STAP1: variants seen among roughly 807,000 people sequenced by gnomAD.
STAP1 encodes the protein signal-transducing adaptor protein 1.
In STAP1, 30 loss-of-function variants were observed where a neutral mutation model predicts 37.8. That is an observed-to-expected ratio of 0.79 (90% CI 0.59 to 1.08). STAP1 has a LOEUF of 1.08. STAP1 is among the 50% of genes least tolerant of loss of function. The pLI, the probability that STAP1 is intolerant of heterozygous loss-of-function variation, is 0.00. For missense variants in STAP1, 357 were observed against 349.4 expected, an observed-to-expected ratio of 1.02 and a Z score of -0.17; for synonymous variants, 130 against 116.0, an observed-to-expected ratio of 1.12 and a Z score of -0.78.
At chr4:67,559,074 A>G (rs2109849842) in intron 1 of STAP1, 145 bp downstream of exon 1, 1 of 760,230 alleles carries the variant, frequency 1.3e-6, no homozygotes, top group African/African-American at 1.8e-5. Flanking sequence ...AATGATTCCA[A>G]TTTTTCATAA....
intron 7 of STAP1, among the ~76,000 whole-genome samples, chr4:67,592,170 T>G (rs1728133460): frequency 6.6e-6 from 1 of 152,032 alleles, no homozygotes; most frequent in Non-Finnish European, 1.5e-5. Flanking sequence ...TGCCCAGGCT[T>G]GAGCACAGTG....
chr4:67,576,677 T>C (rs890142771), intron 3 of STAP1, among the ~76,000 whole-genome samples: 6 of 152,206 alleles, frequency 3.9e-5, no homozygotes, highest in African/African-American at 1.4e-4. Context: ...GTATTTTTTG[T>C]AGAGACATGG....
intron 4 of STAP1, among the ~76,000 whole-genome samples, chr4:67,577,476 A>G (rs1459058257): frequency 6.6e-6 from 1 of 152,152 alleles, no homozygotes; most frequent in Non-Finnish European, 1.5e-5. Context: ...CATTGTGACA[A>G]TTGTTATGAA....
At chr4:67,583,029 C>T (rs577536743) in intron 5 of STAP1, among the ~76,000 whole-genome samples, 6 of 152,252 alleles carry the variant, frequency 3.9e-5, no homozygotes, top group South Asian at 2.1e-4. Context: ...CATCATAATT[C>T]AAGGAGCATC....
intron 1 of STAP1, among the ~76,000 whole-genome samples, chr4:67,567,167 G>T (rs182453809): frequency 6.6e-6 from 1 of 152,078 alleles, no homozygotes; most frequent in Non-Finnish European, 1.5e-5. Context: ...TGACTGAGAC[G>T]TATCAGGTAT....
intron 1 of STAP1, among the ~76,000 whole-genome samples, chr4:67,568,444 G>A (rs1038845300): frequency 6.6e-6 from 1 of 152,128 alleles, no homozygotes; most frequent in Non-Finnish European, 1.5e-5. Context: ...GCATATGAAA[G>A]TAAATCTTTA....
chr4:67,591,456 T>C (rs1160095050), intron 7 of STAP1, among the ~76,000 whole-genome samples: 1 of 152,230 alleles, frequency 6.6e-6, no homozygotes, highest in Non-Finnish European at 1.5e-5. Context: ...GTAATTGTTA[T>C]CATTACCCTG....
chr4:67,561,663 C>T (rs1727340271), intron 1 of STAP1, among the ~76,000 whole-genome samples: 1 of 152,102 alleles, frequency 6.6e-6, no homozygotes, highest in Non-Finnish European at 1.5e-5. Flanking sequence ...CTGAATTAAC[C>T]AGGAAGATGT....
chr4:67,561,300 T>C (rs753869282), intron 1 of STAP1, among the ~76,000 whole-genome samples: 5 of 152,188 alleles, frequency 3.3e-5, no homozygotes, highest in Non-Finnish European at 5.9e-5. Flanking sequence ...GCCAAAGGTA[T>C]ATAGCCAAGT....
intron 1 of STAP1, among the ~76,000 whole-genome samples, chr4:67,568,031 G>A (rs1017608246): frequency 2.6e-5 from 4 of 152,182 alleles, no homozygotes; most frequent in African/African-American, 7.2e-5. Flanking sequence ...AAAGAAAAGA[G>A]TTCTACCAAG....
chr4:67,576,424 T>C (rs62301135), intron 3 of STAP1, among the ~76,000 whole-genome samples: 29,785 of 152,142 alleles, frequency 0.2, 3,528 homozygotes, highest in Non-Finnish European at 0.27. Context: ...CACTTAAAGG[T>C]ACTTAGTAAA....
At chr4:67,565,474 A>G (rs1727444880) in intron 1 of STAP1, among the ~76,000 whole-genome samples, 1 of 152,234 alleles carries the variant, frequency 6.6e-6, no homozygotes, top group Admixed American at 6.5e-5. Flanking sequence ...TCACACCCAC[A>G]CATACAAATC....
At chr4:67,560,503 T>A (rs1727309093) in intron 1 of STAP1, among the ~76,000 whole-genome samples, 1 of 152,232 alleles carries the variant, frequency 6.6e-6, no homozygotes, top group Non-Finnish European at 1.5e-5. Context: ...AATGATGTCT[T>A]CCTTACCAAA....
chr4:67,599,586 A>C (rs1728295707), intron 8 of STAP1, among the ~76,000 whole-genome samples: 1 of 150,280 alleles, frequency 6.7e-6, no homozygotes, highest in African/African-American at 2.4e-5. Context: ...TATATATTTG[A>C]GCCTTCTTTT....
chr4:67,582,339 TCTCA>T (rs1202603410), intron 5 of STAP1, among the ~76,000 whole-genome samples: 2 of 151,848 alleles, frequency 1.3e-5, no homozygotes, highest in African/African-American at 2.4e-5. Flanking sequence ...TGAGACAGTG[TCTCA>T]CTCTGTTAGC....
intron 6 of STAP1, 101 bp from the exon 7 acceptor site, chr4:67,590,783 A>G: frequency 2.1e-6 from 1 of 470,822 alleles, no homozygotes; most frequent in Non-Finnish European, 3.4e-6. Flanking sequence ...TATAGTCATG[A>G]CAACATAGGT....
At chr4:67,584,780 A>G (rs557358830) in intron 6 of STAP1, among the ~76,000 whole-genome samples, 1 of 152,348 alleles carries the variant, frequency 6.6e-6, no homozygotes, top group East Asian at 1.9e-4. Flanking sequence ...AGGAGATTCC[A>G]GAGTCAGGGT....
chr4:67,584,257 CA>C (rs1727933475), intron 6 of STAP1, among the ~76,000 whole-genome samples: 1 of 152,008 alleles, frequency 6.6e-6, no homozygotes. Context: ...TTCAATTCAA[CA>C]AATATTTATT....
rs147302126 is a variant in STAP1 at position 67,581,304 on chromosome 4, G to A, written c.364-1G>A. On this transcript the variant is annotated splice_acceptor_variant, in intron 4 of 8. Transcript: ENST00000265404. LOFTEE classifies it high-confidence loss of function. ...CTGCCTACTCTTTTAATTGGTTTCA[G>A]CTGTCAGTTCCCCAAAACGTGTCAC... The A allele has an allele frequency of 1.9e-6, 3 of 1,609,598 alleles. No individual in the cohort carries two copies. The highest frequency in any genetic ancestry group is 2.5e-6 in the Non-Finnish European group (3 of 1,178,572).
Sources: gnomAD v4.1 joint callset for allele counts (sites outside exome capture counted in the v4.1 genomes callset) on GRCh38, gnomAD v4.1.1 for gene constraint, MANE v1.5 for transcripts, NCBI Gene and HGNC (gene_info 2026-07-23, HGNC 2026-07-21) for gene names.